The following ZIC4 variants were observed in gnomAD, a reference collection of about 807,000 sequenced individuals.
ZIC4 encodes the protein Zic family zinc finger 4.
A neutral mutation model predicts 28.8 loss-of-function variants in ZIC4; 15 were observed. The ratio of observed to expected loss-of-function variants is 0.52; its 90% CI spans 0.35 to 0.80. ZIC4 has a LOEUF of 0.80. ZIC4 is among the 30% of genes least tolerant of loss of function. The pLI is 0.01. For missense variants in ZIC4, 512 were observed against 467.1 expected (o/e 1.10, Z -0.89); for synonymous variants, 220 against 198.1 (o/e 1.11, Z -0.93).
chr3:147,395,610 T>C (rs2087022173), intron 3 of ZIC4, among the ~76,000 whole-genome samples: 2 of 152,204 alleles, frequency 1.3e-5, no homozygotes, highest in African/African-American at 4.8e-5. Context: ...CACAGGGTCT[T>C]AGGCACGTTC....
At chr3:147,404,093 C>A (rs186862288) in intron 1 of ZIC4, 1 of 1,536,624 alleles carries the variant, frequency 6.5e-7, no homozygotes, top group Non-Finnish European at 8.7e-7. Context: ...TACAGAAGGG[C>A]GGCATGCTGG....
At chr3:147,405,602 C>T in intron 1 of ZIC4, 1 of 916,918 alleles carries the variant, frequency 1.1e-6, no homozygotes. Flanking sequence ...ATCCTAGGAG[C>T]TGCGGCCTGC....
chr3:147,403,008 A>C (rs2087200375), intron 1 of ZIC4, among the ~76,000 whole-genome samples, 196 bp from the exon 2 acceptor site: 1 of 152,190 alleles, frequency 6.6e-6, no homozygotes, highest in African/African-American at 2.4e-5. Context: ...AAAATGATAT[A>C]TCTTTGGTGA....
At chr3:147,389,064 G>A in intron 4 of ZIC4, 2 of 600,418 alleles carry the variant, frequency 3.3e-6, no homozygotes, top group African/African-American at 1.9e-5. Context: ...CCTTAGTGGT[G>A]GGGTTGGTGT....
rs1440841646 is a variant in ZIC4, at chr3:147,388,497, T to C, written c.*362A>G. The C allele has an allele frequency of 1.0e-5, 3 of 290,854 alleles. No individual in the cohort carries two copies. The highest frequency in any genetic ancestry group is 1.9e-5 in the Non-Finnish European group (3 of 158,558). The allele number at this position is 290,854 out of a possible 1,614,324, so 18.0% of individuals were successfully genotyped here. ...CAAGCGGCTCTTTTCTTCCTTCACA[T>C]TATTATCCATTTTTATTATGATCGG... On this transcript the variant is annotated 3_prime_UTR_variant, in exon 5 of 5. Transcript: ENST00000383075.
chr3:147,404,819 T>C (rs2087242222), intron 1 of ZIC4, among the ~76,000 whole-genome samples: 1 of 152,206 alleles, frequency 6.6e-6, no homozygotes, highest in African/African-American at 2.4e-5. Flanking sequence ...GGGGCCGACC[T>C]AGCCGGCGCA....
chr3:147,393,592 C>A, intron 3 of ZIC4: 1 of 282,246 alleles, frequency 3.5e-6, no homozygotes, highest in Admixed American at 5.0e-5. Context: ...GACCCTGAGC[C>A]GGGTCCGCCG....
At position 147,402,788 on chromosome 3, in the gene ZIC4, T is replaced by C. The variant is rs1049227454; in HGVS notation, c.10A>G (p.Lys4Glu). The change falls in exon 2 of 5, where the codon AAG becomes GAG. Residue 4 changes from lysine (K) to glutamate (E), a missense_variant. This residue lies in a region of ZIC4 where 310 missense variants were observed against 256.5 expected (regional missense o/e 1.21). Coordinates refer to ENST00000383075, the MANE Select transcript of ZIC4 (RefSeq NM_032153.6). MRY[K>E]TSLVMRKRLR... ...CGTTTCCTCATCACCAAGGATGTCT[T>C]GTATCTCATTTTCTGACTTTGAGCC... The C allele has an allele frequency of 5.6e-6, 9 of 1,613,836 alleles. No individual in the cohort carries two copies. The highest frequency in any genetic ancestry group is 1.3e-5 in the African/African-American group (1 of 74,926).
chr3:147,389,961 A>C (rs574698350), intron 4 of ZIC4, among the ~76,000 whole-genome samples: 67 of 152,312 alleles, frequency 4.4e-4, no homozygotes, highest in Non-Finnish European at 7.5e-4. Flanking sequence ...CTACACAGGC[A>C]ACGCCTCTAC....
At position 147,387,204 on chromosome 3, in the gene ZIC4, C is replaced by T. The variant is rs2086812271; in HGVS notation, c.*1655G>A. ...ATACTTCACCAGACCAGGCCCTGAC[C>T]CTGATGTCTAGGCATTGCTTTTGTT... On this transcript the variant is annotated 3_prime_UTR_variant, in exon 5 of 5. Coordinates refer to ENST00000383075, the MANE Select transcript of ZIC4 (RefSeq NM_032153.6). 6.6e-6 allele frequency: 1 copy of T among 152,368 alleles called. No homozygotes were observed. The allele number at this position is 152,368 out of a possible 1,614,324, so 9.4% of individuals were successfully genotyped here.
At chr3:147,400,028 C>T (rs147218020) in intron 2 of ZIC4, among the ~76,000 whole-genome samples, 5 of 152,288 alleles carry the variant, frequency 3.3e-5, no homozygotes, top group African/African-American at 9.6e-5. Flanking sequence ...ACAGTATGGA[C>T]AGATAGGAGA....
In ZIC4 at chr3:147,396,063, G is replaced by A. The variant is rs894576332; in HGVS notation, c.477C>T (p.Thr159=). Residue 159 remains threonine (T), a synonymous_variant, in exon 3 of 5, where the codon ACC becomes ACT. Transcript: ENST00000383075. The surrounding 1 kb of genome is among the most constrained non-coding windows in gnomAD (Gnocchi z 4.2). ...STMHELVTHV[T]VEHVGGPEQA... ...GTTCCGGGCCGCCGACGTGCTCCACGGTGACGTGCGTGACCAGCTCGTGCA... is the reference window on the plus strand; with the variant it reads ...GTTCCGGGCCGCCGACGTGCTCCACAGTGACGTGCGTGACCAGCTCGTGCA... 1.2e-6 allele frequency: 2 copies of A among 1,614,244 alleles called. No homozygotes were observed. Among genetic ancestry groups the A allele is most frequent in the Admixed American group, 1.7e-5 (1 of 60,030 alleles).
intron 1 of ZIC4, chr3:147,403,821 T>A (rs2087218074): frequency 1.2e-6 from 1 of 863,706 alleles, no homozygotes; most frequent in South Asian, 1.9e-5. Flanking sequence ...TTAAACGGTA[T>A]CCAGTTCTCT....
At chr3:147,393,784 G>A (rs1205289197) in intron 3 of ZIC4, 4 of 433,072 alleles carry the variant, frequency 9.2e-6, no homozygotes, top group Admixed American at 5.0e-5. Flanking sequence ...CGGCCGAGGG[G>A]TCCCTGGAGA....
At position 147,402,726 on chromosome 3, in the gene ZIC4, A is replaced by T; in HGVS notation, c.70+2T>A. The T allele has an allele frequency of 6.2e-7, 1 of 1,607,344 alleles. No individual in the cohort carries two copies. The highest frequency in any genetic ancestry group is 8.5e-7 in the Non-Finnish European group (1 of 1,176,668). On this transcript the variant is annotated splice_donor_variant, in intron 2 of 4. Transcript: ENST00000383075. LOFTEE classifies it high-confidence loss of function. ...AATATTCAAAGGAGGATTTTAACTT[A>T]CTTGACTCTTTAAGAGTGTTTCGGT...
At position 147,390,949 on chromosome 3, in the gene ZIC4, G is replaced by A. The variant is rs1274581836; in HGVS notation, c.986C>T (p.Thr329Ile). 1 of 1,610,738 alleles carries A rather than the reference G, an allele frequency of 6.2e-7. No homozygotes were observed. Among genetic ancestry groups the A allele is most frequent in the Admixed American group, 1.7e-5 (1 of 59,878 alleles). ...VASSAAVAARTADLSE is the reference protein window; with the variant it reads ...VASSAAVAARIADLSE Reference sequence around the variant, plus strand: ...CACGTACCATTCGCTCAAGTCGGCGGTACGCGCCGCCACCGCCGCCGAGGA... The same window carrying A: ...CACGTACCATTCGCTCAAGTCGGCGATACGCGCCGCCACCGCCGCCGAGGA... The change falls in exon 4 of 5, where the codon ACC becomes ATC. Residue 329 changes from threonine to isoleucine, a missense_variant. Thr to Ile is a moderately conservative substitution (Grantham distance 89). Around this residue, in one of 3 missense-constraint regions of ZIC4, gnomAD observed 144 missense variants for 116.8 expected, o/e 1.23. Coordinates refer to ENST00000383075, the MANE Select transcript of ZIC4 (RefSeq NM_032153.6).
rs1311896826 is a variant in ZIC4 at position 147,399,727 on chromosome 3, G to T, written c.70+3001C>A. On this transcript the variant is annotated intron_variant, in intron 2 of 4. Transcript: ENST00000383075. Reference sequence around the variant, plus strand: ...GTCGCCCAGGCTGCAGTGCAATGGCGCCATCTTGGCTCAATGCAACCTCTG... The same window carrying T: ...GTCGCCCAGGCTGCAGTGCAATGGCTCCATCTTGGCTCAATGCAACCTCTG... Among the ~76,000 whole-genome samples the T allele has an allele frequency of 2.0e-5, 3 of 147,670 alleles. No individual in the cohort carries two copies. The South Asian group carries it at 6.5e-4, about 32-fold the overall frequency.
In ZIC4 at chr3:147,396,591, C is replaced by T. The variant is rs1576460463; in HGVS notation, c.71-122G>A. The stretch of plus-strand genomic sequence containing the variant: ...GGCCTCTGCAGTCAGCCGTGGAACT[C>T]AGAGCCAGACAGCGCCAGCAGTGAA... On this transcript the variant is annotated intron_variant, in intron 2 of 4. Coordinates refer to ENST00000383075, the MANE Select transcript of ZIC4 (RefSeq NM_032153.6). The surrounding 1 kb of genome is among the most constrained non-coding windows in gnomAD (Gnocchi z 4.2). The T allele has an allele frequency of 1.7e-5, 21 of 1,253,946 alleles. No homozygotes were observed. Among genetic ancestry groups the T allele is most frequent in the East Asian group, 5.4e-5 (2 of 36,960 alleles). The allele number at this position is 1,253,946 out of a possible 1,614,324, so 77.7% of individuals were successfully genotyped here.
At chr3:147,400,815 A>T (rs2087150027) in intron 2 of ZIC4, among the ~76,000 whole-genome samples, 1 of 152,170 alleles carries the variant, frequency 6.6e-6, no homozygotes, top group Non-Finnish European at 1.5e-5. Flanking sequence ...TACAGAGATT[A>T]TCAATTGGGC....
Sources: gnomAD v4.1 joint callset for allele counts (sites outside exome capture counted in the v4.1 genomes callset) on GRCh38, gnomAD v4.1.1 for gene constraint, gnomAD v4.1.1 regional missense constraint, Gnocchi (gnomAD v3.1) non-coding constraint, MANE v1.5 for transcripts, NCBI Gene and HGNC (gene_info 2026-07-23, HGNC 2026-07-21) for gene names.